The following DCBLD1 variants were observed in gnomAD, a reference collection of about 807,000 sequenced individuals.
DCBLD1 encodes the protein discoidin, CUB and LCCL domain-containing protein 1.
Under a neutral mutation model 71.5 loss-of-function variants are expected in DCBLD1, and 57 were observed. The observed-to-expected ratio is 0.80, with a 90% confidence interval of 0.64 to 0.99. The LOEUF is 0.99. Ranked by LOEUF, DCBLD1 falls within the 50% of genes least tolerant of loss-of-function variation. The probability of loss-of-function intolerance (pLI) is 0.00; values close to 1 mark genes in which losing one functional copy is unlikely to be tolerated. For synonymous variants in DCBLD1, 380 were observed against 363.8 expected (o/e 1.04, Z -0.51); for missense variants, 891 against 923.5 (o/e 0.96, Z 0.46).
intron 2 of DCBLD1, among the ~76,000 whole-genome samples, chr6:117,505,583 T>C (rs1306105657): frequency 6.6e-6 from 1 of 152,200 alleles, no homozygotes; most frequent in Non-Finnish European, 1.5e-5. Flanking sequence ...GAAGCAAATC[T>C]TCCCAAAGCA....
intron 1 of DCBLD1, among the ~76,000 whole-genome samples, chr6:117,497,072 G>A (rs898339660): frequency 1.3e-5 from 2 of 152,208 alleles, no homozygotes; most frequent in Non-Finnish European, 2.9e-5. Context: ...GTACATGCCT[G>A]TAATCCCAGC....
At chr6:117,531,971 A>G (rs1034944848) in intron 5 of DCBLD1, among the ~76,000 whole-genome samples, 2 of 152,184 alleles carry the variant, frequency 1.3e-5, no homozygotes, top group African/African-American at 4.8e-5. Flanking sequence ...TTAGCCTGGA[A>G]TCACTCTTGT....
chr6:117,509,364 C>T (rs761742870), intron 2 of DCBLD1, among the ~76,000 whole-genome samples: 9 of 152,132 alleles, frequency 5.9e-5, no homozygotes, highest in African/African-American at 2.2e-4. Flanking sequence ...TTCAGATGGT[C>T]AAGGCTACAG....
At chr6:117,538,968 G>C in intron 8 of DCBLD1, 133 bp downstream of exon 8, 1 of 985,552 alleles carries the variant, frequency 1.0e-6, no homozygotes, top group South Asian at 1.7e-5. Context: ...ATTTGAAAAT[G>C]TAACAAATCT....
chr6:117,508,997 A>G (rs1475460036), intron 2 of DCBLD1, among the ~76,000 whole-genome samples: 2 of 151,774 alleles, frequency 1.3e-5, no homozygotes, highest in Non-Finnish European at 2.9e-5. Context: ...AAGAGCACAA[A>G]CTCTGTAATT....
chr6:117,553,890 A>G (rs1233852439), downstream of DCBLD1, among the ~76,000 whole-genome samples: 1 of 152,118 alleles, frequency 6.6e-6, no homozygotes, highest in Non-Finnish European at 1.5e-5. Flanking sequence ...CTGGGCTCAA[A>G]TTCTGCCTTA....
chr6:117,510,123 G>A (rs1204642866), intron 2 of DCBLD1, among the ~76,000 whole-genome samples: 3 of 152,104 alleles, frequency 2.0e-5, no homozygotes, highest in Non-Finnish European at 4.4e-5. Context: ...CACTTCTACA[G>A]AAACTTGCTA....
chr6:117,552,319 A>G (rs142290456), downstream of DCBLD1, among the ~76,000 whole-genome samples: 160 of 152,312 alleles, frequency 1.1e-3, 1 homozygote, highest in African/African-American at 3.7e-3. Context: ...AGTGTTTTGT[A>G]TACATTAGAT....
intron 14 of DCBLD1, chr6:117,547,544 C>G: frequency 1.9e-6 from 1 of 525,924 alleles, no homozygotes; most frequent in East Asian, 5.5e-5. Context: ...CATATCAACT[C>G]TATTTTCGAG....
intron 1 of DCBLD1, among the ~76,000 whole-genome samples, chr6:117,483,420 C>G (rs1285845699): frequency 3.3e-5 from 5 of 152,202 alleles, no homozygotes; most frequent in African/African-American, 1.2e-4. Flanking sequence ...GGCCGGGGCA[C>G]GTTTGCCGAG....
At chr6:117,495,767 C>A (rs1777447589) in intron 1 of DCBLD1, among the ~76,000 whole-genome samples, 1 of 152,174 alleles carries the variant, frequency 6.6e-6, no homozygotes, top group Non-Finnish European at 1.5e-5. Flanking sequence ...CTGCAGTGTT[C>A]ACTGATTTTA....
Position 117,532,463 on chromosome 6 carries a change from C to G in DCBLD1, c.719+70C>G. Reference sequence around the variant, plus strand: ...CCCTGAAGGATAATTAACCAGCTCACAACTTTGAAAAGACAGCAGGGATGT... The same window carrying G: ...CCCTGAAGGATAATTAACCAGCTCAGAACTTTGAAAAGACAGCAGGGATGT... On this transcript the variant is annotated intron_variant, in intron 6 of 14. Coordinates refer to ENST00000338728, the MANE Select transcript of DCBLD1 (RefSeq NM_001366458.2). The G allele has an allele frequency of 7.5e-6, 11 of 1,468,094 alleles. 1 individual carries two copies. The South Asian group carries it at 1.5e-4, about 20-fold the overall frequency. The allele number at this position is 1,468,094 out of a possible 1,614,324, so 90.9% of individuals were successfully genotyped here.
intron 1 of DCBLD1, 165 bp from the exon 2 acceptor site, chr6:117,503,602 C>A: frequency 1.5e-6 from 1 of 660,878 alleles, no homozygotes; most frequent in South Asian, 2.1e-5. Context: ...TAACCTGAAA[C>A]AATAGATATT....
intron 1 of DCBLD1, among the ~76,000 whole-genome samples, chr6:117,498,628 G>A (rs1777545113): frequency 6.6e-6 from 1 of 152,024 alleles, no homozygotes. Flanking sequence ...CTTAAAGATG[G>A]ATCTTTATTT....
chr6:117,505,304 C>T (rs967387701), intron 2 of DCBLD1, among the ~76,000 whole-genome samples: 1 of 152,218 alleles, frequency 6.6e-6, no homozygotes, highest in Non-Finnish European at 1.5e-5. Flanking sequence ...TGTGTATTAA[C>T]TTATGGAGGC....
chr6:117,560,996 A>C (rs961361431), intron 14 of DCBLD1: 4 of 213,902 alleles, frequency 1.9e-5, no homozygotes, highest in Non-Finnish European at 2.8e-5. Context: ...GTTCATCCCC[A>C]AAAACCATAC....
At chr6:117,533,151 T>A (rs1402649874) in intron 6 of DCBLD1, among the ~76,000 whole-genome samples, 1 of 152,180 alleles carries the variant, frequency 6.6e-6, no homozygotes, top group Non-Finnish European at 1.5e-5. Flanking sequence ...CCACTGTATT[T>A]CTCTCTCTCA....
intron 1 of DCBLD1, among the ~76,000 whole-genome samples, chr6:117,486,105 C>T (rs185312772): frequency 3.0e-4 from 45 of 152,248 alleles, no homozygotes; most frequent in African/African-American, 1.0e-3. Context: ...CAATTTGAAC[C>T]CTTTAACCTT....
chr6:117,525,291 T>G, intron 4 of DCBLD1, 71 bp from the exon 5 acceptor site: 2 of 1,216,264 alleles, frequency 1.6e-6, no homozygotes, highest in South Asian at 5.2e-5. Flanking sequence ...ACTTTAAAAA[T>G]TTAAGTACAG....
Sources: gnomAD v4.1 joint callset for allele counts (sites outside exome capture counted in the v4.1 genomes callset) on GRCh38, gnomAD v4.1.1 for gene constraint, MANE v1.5 for transcripts, NCBI Gene and HGNC (gene_info 2026-07-23, HGNC 2026-07-21) for gene names.